The following CFAP92 variants were observed in gnomAD, a reference collection of about 807,000 sequenced individuals.
CFAP92 encodes the protein cilia and flagella associated protein 92 (putative), also known as uncharacterized protein CFAP92.
A neutral mutation model predicts 106.3 loss-of-function variants in CFAP92; 86 were observed. The ratio of observed to expected loss-of-function variants is 0.81; its 90% CI spans 0.68 to 0.97. CFAP92 has a LOEUF of 0.97. Among genes scored for constraint, CFAP92 ranks in the 50% least tolerant of loss-of-function variants. The pLI is 0.00. For synonymous variants in CFAP92, 477 were observed against 506.4 expected, an observed-to-expected ratio of 0.94 and a Z score of 0.78; for missense variants, 1,204 against 1,283.8, an observed-to-expected ratio of 0.94 and a Z score of 0.95.
At chr3:128,922,704 T>C (rs568511165) in intron 12 of CFAP92, among the ~76,000 whole-genome samples, 1 of 152,346 alleles carries the variant, frequency 6.6e-6, no homozygotes, top group East Asian at 1.9e-4. Context: ...TCAAAGTTCC[T>C]TGATTTTACC....
At chr3:129,001,502 CG>C (rs1944743755) in intron 1 of CFAP92, 1 of 1,299,458 alleles carries the variant, frequency 7.7e-7, no homozygotes, top group Admixed American at 4.1e-5. Flanking sequence ...ACACGGTCCC[CG>C]GCGCCGCTCC....
chr3:129,022,019 C>T, the CFAP92 span, among the ~76,000 whole-genome samples: 197 of 152,250 alleles, frequency 1.3e-3, 1 homozygote, highest in East Asian at 0.012. Context: ...CAGAGGTGGC[C>T]GGGGCAGGCG....
chr3:128,913,054 A>G (rs1362757062), intron 15 of CFAP92: 1 of 455,724 alleles, frequency 2.2e-6, no homozygotes, highest in East Asian at 6.9e-5. Flanking sequence ...AGAGGCACTT[A>G]AAACATGTAC....
chr3:128,946,158 A>G (rs971924197), intron 9 of CFAP92, among the ~76,000 whole-genome samples, 183 bp from the exon 10 acceptor site: 4 of 152,196 alleles, frequency 2.6e-5, no homozygotes, highest in Non-Finnish European at 4.4e-5. Flanking sequence ...TGCAGACATC[A>G]TGCATGTGAA....
intron 4 of CFAP92, among the ~76,000 whole-genome samples, chr3:128,984,859 G>A (rs6771574): frequency 0.36 from 55,230 of 151,922 alleles, 11,991 homozygotes; most frequent in African/African-American, 0.62. Flanking sequence ...ATAACATGAG[G>A]CAGAACTCTT....
In CFAP92 at chr3:128,911,983, G is replaced by T. The variant is rs137957934; in HGVS notation, c.3281-1650C>A. ...TAGCCACTCGACCATATCTAGGAATGCCCAGCTCAGTCTACCTCTGACCCT... is the reference window on the plus strand; with the variant it reads ...TAGCCACTCGACCATATCTAGGAATTCCCAGCTCAGTCTACCTCTGACCCT... On this transcript the variant is annotated intron_variant, in intron 15 of 15. Transcript: ENST00000645291. Among the ~76,000 whole-genome samples the T allele has an allele frequency of 2.3e-3, 349 of 152,320 alleles. 1 individual carries two copies. The highest frequency in any genetic ancestry group is 6.8e-3 in the South Asian group (33 of 4,824).
chr3:128,921,539 G>A (rs984973340), intron 12 of CFAP92, among the ~76,000 whole-genome samples: 3 of 152,244 alleles, frequency 2.0e-5, no homozygotes, highest in African/African-American at 7.2e-5. Context: ...TGGCTGGATT[G>A]AAAGTAGGAA....
At chr3:128,926,073 C>T (rs1387454255) in intron 12 of CFAP92, among the ~76,000 whole-genome samples, 3 of 152,146 alleles carry the variant, frequency 2.0e-5, no homozygotes, top group African/African-American at 7.2e-5. Context: ...AAAAGTAAAA[C>T]ACTGTCAATT....
intron 9 of CFAP92, among the ~76,000 whole-genome samples, chr3:128,946,704 A>G (rs1417522039): frequency 1.3e-5 from 2 of 152,204 alleles, no homozygotes; most frequent in East Asian, 1.9e-4. Flanking sequence ...CAGAGACACA[A>G]TACCTCTGGA....
At chr3:128,991,707 T>C (rs908821709) in intron 2 of CFAP92, 9 of 981,230 alleles carry the variant, frequency 9.2e-6, no homozygotes, top group South Asian at 3.4e-5. Flanking sequence ...AAGGCGTTCA[T>C]TGAAACAGCA....
chr3:129,026,452 C>T, the CFAP92 span, among the ~76,000 whole-genome samples: 2 of 152,208 alleles, frequency 1.3e-5, no homozygotes, highest in Non-Finnish European at 2.9e-5. Flanking sequence ...CCGCTGAAGT[C>T]CCTTACCTGC....
At chr3:128,918,395 T>C (rs966255253) in intron 12 of CFAP92, among the ~76,000 whole-genome samples, 1 of 152,064 alleles carries the variant, frequency 6.6e-6, no homozygotes, top group African/African-American at 2.4e-5. Context: ...ATCGCTTGAA[T>C]CCAGGAGGCA....
chr3:128,910,417 G>A (rs897572364), intron 15 of CFAP92, 84 bp from the exon 16 acceptor site: 24 of 1,342,872 alleles, frequency 1.8e-5, no homozygotes, highest in Middle Eastern at 2.4e-4. Flanking sequence ...CACATTGCCC[G>A]CTGTGCTGGA....
chr3:128,937,312 CA>C (rs34884891), intron 10 of CFAP92, among the ~76,000 whole-genome samples: 27,566 of 85,300 alleles, frequency 0.32, 2,767 homozygotes, highest in East Asian at 0.57. Context: ...GACCCTGTCT[CA>C]AAAAAAAAAA....
intron 10 of CFAP92, among the ~76,000 whole-genome samples, chr3:128,942,373 C>T (rs115520401): frequency 2.0e-5 from 3 of 152,324 alleles, no homozygotes; most frequent in Non-Finnish European, 2.9e-5. Context: ...GGCAGCTCGC[C>T]CCAGCCCTGG....
intron 12 of CFAP92, among the ~76,000 whole-genome samples, chr3:128,923,892 T>C (rs1937505750): frequency 6.6e-6 from 1 of 152,238 alleles, no homozygotes. Context: ...CCCTGCTCCC[T>C]GGAACTGATA....
At chr3:129,026,157 G>A in the CFAP92 span, among the ~76,000 whole-genome samples, 1 of 152,250 alleles carries the variant, frequency 6.6e-6, no homozygotes, top group Non-Finnish European at 1.5e-5. Context: ...GAAGGGTTTA[G>A]TTGGTATTGT....
chr3:128,962,857 A>G (rs1375201192), intron 9 of CFAP92, among the ~76,000 whole-genome samples: 1 of 152,114 alleles, frequency 6.6e-6, no homozygotes, highest in Admixed American at 6.6e-5. Context: ...TATCAACCAA[A>G]TTGTTTTGCC....
intron 4 of CFAP92, among the ~76,000 whole-genome samples, chr3:128,983,038 T>G (rs114602672): frequency 5.3e-5 from 8 of 152,142 alleles, no homozygotes; most frequent in Non-Finnish European, 1.2e-4. Flanking sequence ...ACGGCGTCAA[T>G]AGACTTGTTC....
Sources: allele counts gnomAD v4.1 joint callset (sites outside exome capture counted in the v4.1 genomes callset), GRCh38; gene constraint gnomAD v4.1.1; transcripts MANE v1.5; gene names NCBI Gene and HGNC (gene_info 2026-07-23, HGNC 2026-07-21).